The following HDLBP variants were observed in gnomAD, a reference collection of about 807,000 sequenced individuals.
HDLBP encodes the protein vigilin.
A neutral mutation model predicts 137.3 loss-of-function variants in HDLBP; 30 were observed. The observed-to-expected ratio is 0.22, with a 90% CI of 0.16 to 0.30. The LOEUF is 0.30. HDLBP is among the 10% of genes least tolerant of loss of function. The probability of loss-of-function intolerance (pLI) is 1.00; values close to 1 mark genes in which losing one functional copy is unlikely to be tolerated. For synonymous variants in HDLBP, 606 were observed against 596.0 expected (o/e 1.02, Z -0.24); for missense variants, 1,119 against 1,667.3 (o/e 0.67, Z 5.73).
intron 1 of HDLBP, among the ~76,000 whole-genome samples, chr2:241,287,774 G>A (rs143309874): frequency 6.6e-6 from 1 of 152,298 alleles, no homozygotes; most frequent in African/African-American, 2.4e-5. Flanking sequence ...AGATATACAT[G>A]TTTGTACATG....
In HDLBP at chr2:241,239,628, G is replaced by A. The variant is rs767701164; in HGVS notation, c.2584C>T (p.Arg862Cys). The change falls in exon 19 of 28, where the codon CGC (arginine) becomes TGC (cysteine). Residue 862 changes from arginine (R) to cysteine (C), a missense_variant. Arg to Cys is a radical substitution (Grantham distance 180). This residue lies in a region of HDLBP where 618 missense variants were observed against 816.7 expected (regional missense o/e 0.76). Transcript: ENST00000310931. This position sits in a 1 kb window ranked among gnomAD's most constrained non-coding sequence, Gnocchi z 4.6. The part of the protein sequence containing the change: ...AKDCVEAAKK[R>C]IQEIIEDLEA... ...AGGTCCTCAATGATCTCCTGAATGC[G>A]TTTCTTGGCTGCCTCCACACAGTCC... The A allele has an allele frequency of 1.4e-5, 22 of 1,614,030 alleles. No homozygotes were observed. Among genetic ancestry groups the A allele is most frequent in the East Asian group, 2.2e-5 (1 of 44,896 alleles).
intron 16 of HDLBP, among the ~76,000 whole-genome samples, chr2:241,244,842 G>A (rs185637550): frequency 3.3e-4 from 50 of 152,228 alleles, no homozygotes; most frequent in African/African-American, 1.2e-3. Context: ...GTAAATGGTG[G>A]ACTGAAAGCC....
chr2:241,244,183 C>T (rs977513629), intron 16 of HDLBP, among the ~76,000 whole-genome samples: 10 of 152,072 alleles, frequency 6.6e-5, no homozygotes, highest in African/African-American at 1.4e-4. Context: ...AAACCAATAT[C>T]GCTCCTCCCC....
intron 5 of HDLBP, among the ~76,000 whole-genome samples, 180 bp from the exon 6 acceptor site, chr2:241,256,986 C>A (rs989521908): frequency 6.6e-6 from 1 of 152,120 alleles, no homozygotes; most frequent in Non-Finnish European, 1.5e-5. Flanking sequence ...GCCCTGACTC[C>A]CAGGTTAGGG....
At chr2:241,237,503 C>T (rs115271602) in intron 20 of HDLBP, among the ~76,000 whole-genome samples, 7 of 152,240 alleles carry the variant, frequency 4.6e-5, no homozygotes, top group Non-Finnish European at 8.8e-5. Flanking sequence ...ACCAGACAGA[C>T]GCCTGCCTGA....
intron 1 of HDLBP, among the ~76,000 whole-genome samples, chr2:241,303,221 C>T (rs868040396): frequency 6.6e-5 from 10 of 152,256 alleles, no homozygotes; most frequent in South Asian, 2.1e-4. Flanking sequence ...GTTTAGAGGC[C>T]GACAGAAGGG....
At chr2:241,309,356 T>TCG in intron 1 of HDLBP, among the ~76,000 whole-genome samples, 1 of 152,180 alleles carries the variant, frequency 6.6e-6, no homozygotes, top group Admixed American at 6.5e-5. Context: ...GCACGAGCCG[T>TCG]TGTCAGATCA....
At chr2:241,254,472 C>G (rs538953857) in intron 9 of HDLBP, among the ~76,000 whole-genome samples, 1 of 151,404 alleles carries the variant, frequency 6.6e-6, no homozygotes, top group South Asian at 2.1e-4. Context: ...TATACAAGTT[C>G]TGCTCTTCAA....
At chr2:241,310,641 AAGAGTAG>A (rs2149723877) in intron 1 of HDLBP, among the ~76,000 whole-genome samples, 2 of 149,076 alleles carry the variant, frequency 1.3e-5, no homozygotes, top group South Asian at 4.2e-4. Context: ...CAGAAAGTCC[AAGAGTAG>A]AATTCTAGAG....
At position 241,274,743 on chromosome 2, in the gene HDLBP, C is replaced by T. The variant is rs79777804; in HGVS notation, c.-102-6202G>A. Among the ~76,000 whole-genome samples the T allele has an allele frequency of 2.7e-3, 409 of 152,308 alleles. 2 individuals are homozygous for T. The highest frequency in any genetic ancestry group is 9.6e-3 in the African/African-American group (400 of 41,564). ...TGCTGATGCTCACAACCAGCATTTC[C>T]TCCCAGCAGGCTTAGCACACTGAAA... On this transcript the variant is annotated intron_variant, in intron 1 of 27. Coordinates refer to ENST00000310931, the MANE Select transcript of HDLBP (RefSeq NM_005336.6).
At chr2:241,306,997 G>T (rs1304955322) in intron 1 of HDLBP, among the ~76,000 whole-genome samples, 1 of 122,776 alleles carries the variant, frequency 8.1e-6, no homozygotes, top group Non-Finnish European at 1.6e-5. Context: ...ACGAGGAAAA[G>T]CCCAAAATTG....
chr2:241,264,901 C>T (rs2073532113), intron 3 of HDLBP, among the ~76,000 whole-genome samples: 1 of 152,118 alleles, frequency 6.6e-6, no homozygotes, highest in Admixed American at 6.5e-5. Flanking sequence ...CATTGTGAGC[C>T]CCACTCCCCT....
rs1267158668 is a variant in HDLBP, at chr2:241,255,053, T to C, written c.1186A>G (p.Lys396Glu). ...ACAGGTGAAAAACGTGTCCTTACCT[T>C]TGGCATCTGCTGAGTGATTTTGGCC... ...NLAKITQQMPKVHIEFTEGED... is the reference protein window; with the variant it reads ...NLAKITQQMPEVHIEFTEGED... The change falls in exon 9 of 28, where the codon AAG becomes GAG. Residue 396 changes from lysine (K) to glutamate (E), a missense_variant and splice_region_variant. Transcript: ENST00000310931. 6.2e-7 allele frequency: 1 copy of C among 1,606,010 alleles called. No individual in the cohort carries two copies. Among genetic ancestry groups the C allele is most frequent in the Non-Finnish European group, 8.5e-7 (1 of 1,172,582 alleles).
At chr2:241,298,683 A>C (rs552136634) in intron 1 of HDLBP, among the ~76,000 whole-genome samples, 1 of 152,246 alleles carries the variant, frequency 6.6e-6, no homozygotes, top group Non-Finnish European at 1.5e-5. Flanking sequence ...TCAAGCAAGT[A>C]AAGTGCACAT....
rs958579680 is a variant in HDLBP at position 241,241,859 on chromosome 2, C to G, written c.2169+601G>C. ...GGAGAAATGCCTGCAAAAGTCAAAA[C>G]TGCTGAGCTGTCAATCCTCGCCAGT... On this transcript the variant is annotated intron_variant, in intron 17 of 27. Coordinates refer to ENST00000310931, the MANE Select transcript of HDLBP (RefSeq NM_005336.6). 1.3e-5 allele frequency among the ~76,000 whole-genome samples: 2 copies of G among 152,224 alleles called. 1 individual carries two copies. The highest frequency in any genetic ancestry group is 2.9e-5 in the Non-Finnish European group (2 of 68,042).
chr2:241,287,569 G>A (rs941366357), intron 1 of HDLBP, among the ~76,000 whole-genome samples: 3 of 151,994 alleles, frequency 2.0e-5, no homozygotes, highest in East Asian at 1.9e-4. Context: ...ACAGGTGTGC[G>A]CCACTATGCC....
chr2:241,303,702 A>G (rs991738169), intron 1 of HDLBP, among the ~76,000 whole-genome samples: 1 of 152,246 alleles, frequency 6.6e-6, no homozygotes, highest in Admixed American at 6.5e-5. Context: ...TGGCCTTCAG[A>G]CTGGATTATT....
At chr2:241,263,028 GC>G in intron 4 of HDLBP, 102 bp from the exon 5 acceptor site, 1 of 851,588 alleles carries the variant, frequency 1.2e-6, no homozygotes, top group Non-Finnish European at 1.9e-6. Flanking sequence ...TCACAAAGCA[GC>G]CCCACCCTGC....
intron 21 of HDLBP, among the ~76,000 whole-genome samples, chr2:241,235,899 A>G (rs531172708): frequency 1.1e-4 from 17 of 152,168 alleles, no homozygotes; most frequent in Non-Finnish European, 1.5e-5. Context: ...CCTCGGGGTC[A>G]TGACGGCTTT....
Sources: allele counts gnomAD v4.1 joint callset (sites outside exome capture counted in the v4.1 genomes callset), GRCh38; gene constraint gnomAD v4.1.1; regional missense constraint gnomAD v4.1.1; non-coding constraint Gnocchi (gnomAD v3.1); transcripts MANE v1.5; gene names NCBI Gene and HGNC (gene_info 2026-07-23, HGNC 2026-07-21).